Variants in TRNP1 observed in about 807,000 individuals in gnomAD.
The protein encoded by TRNP1 is TMF1 regulated nuclear protein 1.
A neutral mutation model predicts 12.2 loss-of-function variants in TRNP1; 16 were observed. The ratio of observed to expected loss-of-function variants is 1.31; its 90% confidence interval spans 0.89 to 1.99. The LOEUF (loss-of-function observed/expected upper bound fraction) is 1.99, where lower values mean the gene tolerates loss of function less well. TRNP1 is among the 30% of genes most tolerant of loss of function. TRNP1 has a pLI of 0.00. For missense variants in TRNP1, 338 were observed against 330.4 expected (o/e 1.02, Z -0.18); for synonymous variants, 139 against 166.2 (o/e 0.84, Z 1.26).
intron 1 of TRNP1, among the ~76,000 whole-genome samples, chr1:26,995,632 T>C (rs1019963249): frequency 6.6e-6 from 1 of 152,236 alleles, no homozygotes; most frequent in Admixed American, 6.5e-5. Context: ...ATTTTTTTGT[T>C]GTTGTTGTTT....
chr1:26,993,935 A>G lies in TRNP1; in HGVS notation c.149A>G (p.Gln50Arg), dbSNP rs1190220177. ...TTGACTCCTACCCCGACCCCGGGTC[A>G]GTCCCCGCCGCTGCCGGACGCAGCT... ...PTLTPTPTPG[Q>R]SPPLPDAAGA... Residue 50 changes from glutamine (Q) to arginine (R), a missense_variant, in exon 1 of 2, where the codon CAG (glutamine) becomes CGG (arginine). Coordinates refer to ENST00000522111, the MANE Select transcript of TRNP1 (RefSeq NM_001013642.3). 44 of 1,348,342 alleles carry G rather than the reference A, an allele frequency of 3.3e-5. No homozygotes were observed. Among genetic ancestry groups the G allele is most frequent in the Non-Finnish European group, 4.1e-5 (43 of 1,055,242 alleles). 83.5% of individuals were successfully genotyped at this position (1,348,342 alleles called of 1,614,324 possible).
chr1:26,994,444 C>G lies in TRNP1; in HGVS notation c.658C>G (p.Arg220Gly). The G allele has an allele frequency of 8.5e-7, 1 of 1,176,488 alleles. No homozygotes were observed. Among genetic ancestry groups the G allele is most frequent in the Non-Finnish European group, 1.1e-6 (1 of 952,256 alleles). 72.9% of individuals were successfully genotyped at this position (1,176,488 alleles called of 1,614,324 possible). Reference protein sequence around the residue: ...PDSPFRRSPPRGPASPQR With the variant: ...PDSPFRRSPPGGPASPQR ...CTCGCCCTTCCGCCGCAGCCCGCCC[C>G]GCGGCCCCGCCTCCCCGCAGCGCTG... Residue 220 changes from arginine to glycine, a missense_variant, in exon 1 of 2, where the codon CGC becomes GGC. By Grantham distance (125) the Arg-to-Gly change is moderately radical. Coordinates refer to ENST00000522111, the MANE Select transcript of TRNP1 (RefSeq NM_001013642.3). The surrounding 1 kb of genome is among the most constrained non-coding windows in gnomAD (Gnocchi z 6.9).
chr1:26,995,398 TGAG>T (rs2082540341), intron 1 of TRNP1, among the ~76,000 whole-genome samples: 2 of 152,192 alleles, frequency 1.3e-5, no homozygotes, highest in Admixed American at 1.3e-4. Flanking sequence ...GAGCCAGATC[TGAG>T]GTGAGATCTG....
intron 1 of TRNP1, among the ~76,000 whole-genome samples, chr1:26,998,732 A>C (rs2082557642): frequency 6.6e-6 from 1 of 152,174 alleles, no homozygotes; most frequent in African/African-American, 2.4e-5. Context: ...GCCCCTGAGC[A>C]CTTTACACCC....
chr1:26,995,013 G>A (rs943055231), intron 1 of TRNP1, among the ~76,000 whole-genome samples: 1 of 152,222 alleles, frequency 6.6e-6, no homozygotes, highest in African/African-American at 2.4e-5. Flanking sequence ...ACAGAATAAT[G>A]AGGCCCCAGG....
chr1:26,998,610 TC>T (rs1158844289), intron 1 of TRNP1, among the ~76,000 whole-genome samples: 1 of 152,000 alleles, frequency 6.6e-6, no homozygotes, highest in African/African-American at 2.4e-5. Flanking sequence ...AGCCTGGAGA[TC>T]CCCAACCTAC....
rs2082564148 is a variant in TRNP1 at position 26,999,933 on chromosome 1, T to C, written c.*229T>C. On this transcript the variant is annotated 3_prime_UTR_variant, in exon 2 of 2. Transcript: ENST00000522111. Reference sequence around the variant, plus strand: ...CCTGGGCACTGCCTTCAGGAAGACGTTGAGAATTGACCTTACACAATCCCA... The same window carrying C: ...CCTGGGCACTGCCTTCAGGAAGACGCTGAGAATTGACCTTACACAATCCCA... 6.6e-6 allele frequency: 1 copy of C among 152,216 alleles called. No individual in the cohort carries two copies. Among genetic ancestry groups the C allele is most frequent in the South Asian group, 2.1e-4 (1 of 4,830 alleles). 9.4% of individuals were successfully genotyped at this position (152,216 alleles called of 1,614,324 possible). A position where few individuals can be genotyped will look rare whatever the true frequency, so the allele number is the denominator to read the frequency against.
chr1:26,998,319 A>G (rs1570776956), intron 1 of TRNP1, among the ~76,000 whole-genome samples: 1 of 152,340 alleles, frequency 6.6e-6, no homozygotes, highest in Non-Finnish European at 1.5e-5. Context: ...AAAGACAGGT[A>G]GCCCTTGTTG....
In TRNP1 at chr1:26,994,261, G is replaced by A; in HGVS notation, c.475G>A (p.Glu159Lys). Residue 159 changes from glutamate (E) to lysine (K), a missense_variant, in exon 1 of 2, where the codon GAG becomes AAG. Coordinates refer to ENST00000522111, the MANE Select transcript of TRNP1 (RefSeq NM_001013642.3). The surrounding 1 kb of genome is among the most constrained non-coding windows in gnomAD (Gnocchi z 6.9). ...CCTGAGCGGCGGCGTGGCGCAGGCC[G>A]AGCTCTACCTGGCGGCTCACGGGTC... ...SRLSGGVAQA[E>K]LYLAAHGSRL... is the part of the protein sequence containing the mutation. The A allele has an allele frequency of 2.5e-6, 3 of 1,204,144 alleles. No homozygotes were observed. Among genetic ancestry groups the A allele is most frequent in the Non-Finnish European group, 3.1e-6 (3 of 968,852 alleles). 74.6% of individuals were successfully genotyped at this position (1,204,144 alleles called of 1,614,324 possible).
intron 1 of TRNP1, among the ~76,000 whole-genome samples, chr1:26,998,710 C>T (rs2082557581): frequency 6.6e-6 from 1 of 152,168 alleles, no homozygotes; most frequent in Non-Finnish European, 1.5e-5. Flanking sequence ...TTAACCACCT[C>T]CTCTATGCCA....
chr1:26,993,916 CCT>C lies in TRNP1; in HGVS notation c.131_132del (p.Pro44HisfsTer34). 1 of 1,369,744 alleles carries C rather than the reference CCT, an allele frequency of 7.3e-7. No homozygotes were observed. The highest frequency in any genetic ancestry group is 9.4e-7 in the Non-Finnish European group (1 of 1,069,022). The allele number at this position is 1,369,744 out of a possible 1,614,324, so 84.8% of individuals were successfully genotyped here. A position where few individuals can be genotyped will look rare whatever the true frequency, so the allele number is the denominator to read the frequency against. ...QPPPPTPTLT[P>X]TPTPGQSPPL... ...CCCGCCCCCAACTCCGACCTTGACT[CCT>C]ACCCCGACCCCGGGTCAGTCCCCGC... On this transcript the variant is annotated frameshift_variant, in exon 1 of 2. Coordinates refer to ENST00000522111, the MANE Select transcript of TRNP1 (RefSeq NM_001013642.3). LOFTEE classifies it high-confidence loss of function.
In TRNP1 at chr1:26,994,437, C is replaced by T. The variant is rs1047344678; in HGVS notation, c.651C>T (p.Ser217=). The change falls in exon 1 of 2, where the codon AGC becomes AGT. Residue 217 remains serine, a synonymous_variant. Coordinates refer to ENST00000522111, the MANE Select transcript of TRNP1 (RefSeq NM_001013642.3). The surrounding 1 kb of genome is among the most constrained non-coding windows in gnomAD (Gnocchi z 6.9). ...AGCCCGACTCGCCCTTCCGCCGCAG[C>T]CCGCCCCGCGGCCCCGCCTCCCCGC... The part of the protein sequence containing the change: ...GPEPDSPFRR[S]PPRGPASPQR The T allele has an allele frequency of 1.7e-5, 20 of 1,175,240 alleles. No homozygotes were observed. The highest frequency in any genetic ancestry group is 2.0e-5 in the Non-Finnish European group (19 of 951,606). The allele number at this position is 1,175,240 out of a possible 1,614,324, so 72.8% of individuals were successfully genotyped here.
Position 26,994,579 on chromosome 1 carries a change from G to A in TRNP1, c.*109G>A. The A allele has an allele frequency of 5.8e-6, 5 of 868,320 alleles. No homozygotes were observed. Among genetic ancestry groups the A allele is most frequent in the Admixed American group, 5.8e-5 (1 of 17,170 alleles). 53.8% of individuals were successfully genotyped at this position (868,320 alleles called of 1,614,324 possible). On this transcript the variant is annotated 3_prime_UTR_variant, in exon 1 of 2. Transcript: ENST00000522111. This position sits in a 1 kb window ranked among gnomAD's most constrained non-coding sequence, Gnocchi z 6.9. ...GACTACGGATCCGCAGGAAGAGGCA[G>A]TTGGGGGCCAGGGGCCCAGTAGAGG...
At chr1:26,998,112 G>A (rs1181027139) in intron 1 of TRNP1, among the ~76,000 whole-genome samples, 2 of 152,050 alleles carry the variant, frequency 1.3e-5, no homozygotes, top group Non-Finnish European at 2.9e-5. Context: ...GGCCGGGTGC[G>A]GTGGCTCACA....
Position 26,994,164 on chromosome 1 carries a change from C to CG in TRNP1, c.379dup (p.Val127GlyfsTer146). ...GCCTGGTGTCGGAGCTGGAGAGCCG[C>CG]GTGCTGCAGCTGCACCGCGTTTTCT... On this transcript the variant is annotated frameshift_variant, in exon 1 of 2. Transcript: ENST00000522111. LOFTEE classifies it high-confidence loss of function. This position sits in a 1 kb window ranked among gnomAD's most constrained non-coding sequence, Gnocchi z 6.9. 7.7e-7 allele frequency: 1 copy of CG among 1,293,118 alleles called. No homozygotes were observed. Among genetic ancestry groups the CG allele is most frequent in the Admixed American group, 3.4e-5 (1 of 29,612 alleles). The allele number at this position is 1,293,118 out of a possible 1,614,324, so 80.1% of individuals were successfully genotyped here.
In TRNP1 at chr1:27,000,828, C is replaced by A. The variant is rs1430334328; in HGVS notation, c.*1124C>A. On this transcript the variant is annotated 3_prime_UTR_variant, in exon 2 of 2. Coordinates refer to ENST00000522111, the MANE Select transcript of TRNP1 (RefSeq NM_001013642.3). ...AATTCTCCCTTGACCTGACTCACAG[C>A]CGCCTGCTCTTACCCCCCTCCTCAG... 1.3e-5 allele frequency: 2 copies of A among 152,256 alleles called. No homozygotes were observed. Among genetic ancestry groups the A allele is most frequent in the Non-Finnish European group, 2.9e-5 (2 of 68,064 alleles). The allele number at this position is 152,256 out of a possible 1,614,324, so 9.4% of individuals were successfully genotyped here.
Position 26,993,738 on chromosome 1 carries a change from C to G in TRNP1, c.-49C>G. On this transcript the variant is annotated 5_prime_UTR_variant, in exon 1 of 2. Coordinates refer to ENST00000522111, the MANE Select transcript of TRNP1 (RefSeq NM_001013642.3). ...TCTAGCTGTTCGGGTGTGCTGTGGT[C>G]ATCCTCCCTGCGCACCTACAGCCGC... 1 of 1,276,462 alleles carries G rather than the reference C, an allele frequency of 7.8e-7. No homozygotes were observed. Among genetic ancestry groups the G allele is most frequent in the Non-Finnish European group, 9.9e-7 (1 of 1,012,248 alleles). The allele number at this position is 1,276,462 out of a possible 1,614,324, so 79.1% of individuals were successfully genotyped here.
At chr1:26,997,054 A>G (rs2082548442) in intron 1 of TRNP1, among the ~76,000 whole-genome samples, 1 of 149,020 alleles carries the variant, frequency 6.7e-6, no homozygotes, top group African/African-American at 2.5e-5. Context: ...GGCTTTATTC[A>G]GGCTGGGTGC....
intron 1 of TRNP1, among the ~76,000 whole-genome samples, chr1:26,996,878 G>A (rs1014173396): frequency 1.3e-5 from 2 of 152,054 alleles, no homozygotes; most frequent in African/African-American, 4.8e-5. Context: ...TCCACTTCCA[G>A]ATGTCCCACT....
Sources: allele counts gnomAD v4.1 joint callset (sites outside exome capture counted in the v4.1 genomes callset), GRCh38; gene constraint gnomAD v4.1.1; non-coding constraint Gnocchi (gnomAD v3.1); transcripts MANE v1.5; gene names NCBI Gene and HGNC (gene_info 2026-07-23, HGNC 2026-07-21).